KIF7: variants seen among roughly 807,000 people sequenced by gnomAD.
KIF7 encodes the protein kinesin-like protein KIF7.
Under a neutral mutation model 135.7 loss-of-function variants are expected in KIF7, and 104 were observed. That is an observed-to-expected ratio of 0.77 (90% CI 0.65 to 0.90). The LOEUF (loss-of-function observed/expected upper bound fraction) is 0.90. Among genes scored for constraint, KIF7 ranks in the 40% least tolerant of loss-of-function variants. The pLI is 0.00. For missense variants in KIF7, 2,005 were observed against 1,839.1 expected (o/e 1.09, Z -1.65); for synonymous variants, 883 against 809.4 (o/e 1.09, Z -1.54).
In KIF7 at chr15:89,646,923, T is replaced by G; in HGVS notation, c.1695A>C (p.Thr565=). 6.2e-7 allele frequency: 1 copy of G among 1,613,936 alleles called. No individual in the cohort carries two copies. The highest frequency in any genetic ancestry group is 1.7e-4 in the Middle Eastern group (1 of 6,052). Reference sequence around the variant, plus strand: ...GGGCGTGGGCACCCCCCAGGGGGGCTGTATGAGGTCGAGGCACAAAGGACC... The same window carrying G: ...GGGCGTGGGCACCCCCCAGGGGGGCGGTATGAGGTCGAGGCACAAAGGACC... ...PPGSFVPRPH[T]APLGGAHAHV... The change falls in exon 7 of 19, where the codon ACA becomes ACC. Residue 565 remains threonine (T), a synonymous_variant. Transcript: ENST00000394412.
chr15:89,625,484 T>G (rs761298911), downstream of KIF7: 9 of 1,613,848 alleles, frequency 5.6e-6, no homozygotes, highest in South Asian at 9.9e-5. Context: ...GACCACGGCC[T>G]TGAACTCAGC....
In KIF7 at chr15:89,645,919, C is replaced by T. The variant is rs769851023; in HGVS notation, c.1896G>A (p.Pro632=). 26 of 1,613,486 alleles carry T rather than the reference C, an allele frequency of 1.6e-5. No individual in the cohort carries two copies. Among genetic ancestry groups the T allele is most frequent in the Admixed American group, 1.5e-4 (9 of 59,994 alleles). The change falls in exon 8 of 19, where the codon CCG becomes CCA. Residue 632 remains proline (P), a synonymous_variant. Coordinates refer to ENST00000394412, the MANE Select transcript of KIF7 (RefSeq NM_198525.3). Reference sequence around the variant, plus strand: ...TGCGCAGGTGTAAGGTCCGCCTGGGCGGCTCCTCCTCCTCCTCTTCCTCCT... The same window carrying T: ...TGCGCAGGTGTAAGGTCCGCCTGGGTGGCTCCTCCTCCTCCTCTTCCTCCT... ...ASEEEEEEEE[P]PRRTLHLRRN...
At chr15:89,650,853 T>C (rs1225447299) in intron 2 of KIF7, among the ~76,000 whole-genome samples, 1 of 151,238 alleles carries the variant, frequency 6.6e-6, no homozygotes, top group South Asian at 2.1e-4. Flanking sequence ...TGGGATTACA[T>C]GTGTGAGCCC....
intron 17 of KIF7, 89 bp downstream of exon 17, chr15:89,629,286 G>A (rs1963615560): frequency 3.4e-6 from 4 of 1,188,140 alleles, no homozygotes; most frequent in Admixed American, 4.8e-5. Flanking sequence ...AGGGGCGGTG[G>A]GGGGAGGGAG....
chr15:89,633,337 A>G lies in KIF7; in HGVS notation c.2593-71T>C, dbSNP rs148522514. On this transcript the variant is annotated intron_variant, in intron 12 of 18. Transcript: ENST00000394412. ...CTTACCAGAGCCTGCCACCGATCCC[A>G]AAGCCCCCAGGAGTGCCTGCCCACT... The G allele has an allele frequency of 2.6e-3, 4,042 of 1,532,690 alleles. 117 individuals carry two copies. The African/African-American group carries it at 0.05, about 19-fold the overall frequency. The allele number at this position is 1,532,690 out of a possible 1,614,324, so 94.9% of individuals were successfully genotyped here.
intron 1 of KIF7, among the ~76,000 whole-genome samples, chr15:89,622,198 C>G (rs1963438297): frequency 6.6e-6 from 1 of 152,050 alleles, no homozygotes; most frequent in Admixed American, 6.5e-5. Context: ...GTTGGCCAGG[C>G]TGGTCTCGAA....
downstream of KIF7, chr15:89,626,183 C>G (rs753718534): frequency 9.0e-7 from 1 of 1,111,426 alleles, no homozygotes; most frequent in African/African-American, 1.6e-5. Flanking sequence ...TAGGTGACTT[C>G]GCGCCTACAG....
Position 89,649,342 on chromosome 15 carries a change from G to A in KIF7, c.555C>T (p.Asp185=), listed in dbSNP as rs183957399. The change falls in exon 4 of 19, where the codon GAC becomes GAT. Residue 185 remains aspartate (D), a synonymous_variant. Transcript: ENST00000394412. The stretch of plus-strand genomic sequence containing the variant: ...TCAGCACCTCATCCAGGCCCTCCAC[G>A]TCGACCTCCTTCACCCCGCACAGCA... ...NVVLCGVKEV[D]VEGLDEVLSL... 33 of 1,466,780 alleles carry A rather than the reference G, an allele frequency of 2.2e-5. No individual in the cohort carries two copies. The highest frequency in any genetic ancestry group is 2.9e-5 in the Non-Finnish European group (32 of 1,104,502). 90.9% of individuals were successfully genotyped at this position (1,466,780 alleles called of 1,614,324 possible). A position where few individuals can be genotyped will look rare whatever the true frequency, so the allele number is the denominator to read the frequency against.
Position 89,649,831 on chromosome 15 carries a change from C to T in KIF7, c.439G>A (p.Glu147Lys), listed in dbSNP as rs1267640231. The T allele has an allele frequency of 1.3e-6, 2 of 1,551,676 alleles. No individual in the cohort carries two copies. Among genetic ancestry groups the T allele is most frequent in the South Asian group, 2.4e-5 (2 of 84,064 alleles). ...TCTCGGAACTCCTCCTTGTACACTTCCAGGTAGGACACATGTACCAGACAG... is the reference window on the plus strand; with the variant it reads ...TCTCGGAACTCCTCCTTGTACACTTTCAGGTAGGACACATGTACCAGACAG... Reference protein sequence around the residue: ...LDCLVHVSYLEVYKEEFRDLL... With the variant: ...LDCLVHVSYLKVYKEEFRDLL... Residue 147 changes from glutamate to lysine, a missense_variant, in exon 3 of 19, where the codon GAA becomes AAA. Physicochemically the swap from Glu to Lys is moderately conservative, Grantham distance 56. Coordinates refer to ENST00000394412, the MANE Select transcript of KIF7 (RefSeq NM_198525.3).
At chr15:89,642,434 G>A in intron 10 of KIF7, 29 bp from the exon 11 acceptor site, 1 of 1,536,110 alleles carries the variant, frequency 6.5e-7, no homozygotes, top group South Asian at 1.2e-5. Flanking sequence ...GTCAGCACAG[G>A]CAGCCCTGCT....
chr15:89,625,888 C>G, downstream of KIF7: 1 of 1,542,580 alleles, frequency 6.5e-7, no homozygotes, highest in Non-Finnish European at 8.7e-7. Flanking sequence ...CTGGGCTTCC[C>G]GGTTGGGGGT....
intron 11 of KIF7, among the ~76,000 whole-genome samples, chr15:89,638,535 C>A (rs1347833878): frequency 6.7e-6 from 1 of 149,370 alleles, no homozygotes; most frequent in Non-Finnish European, 1.5e-5. Context: ...GAGTGGACTC[C>A]CATTCACAAT....
downstream of KIF7, among the ~76,000 whole-genome samples, chr15:89,626,295 A>G (rs895135370): frequency 6.6e-6 from 1 of 152,204 alleles, no homozygotes; most frequent in African/African-American, 2.4e-5. Context: ...CCTCCTGAAA[A>G]TGTTGACAGT....
At chr15:89,648,105 C>G in intron 5 of KIF7, 150 bp downstream of exon 5, 1 of 1,337,630 alleles carries the variant, frequency 7.5e-7, no homozygotes, top group South Asian at 1.7e-5. Flanking sequence ...AAGGAAGTGA[C>G]CACGGTAATC....
chr15:89,626,019 T>C, downstream of KIF7: 1 of 1,613,818 alleles, frequency 6.2e-7, no homozygotes, highest in Non-Finnish European at 8.5e-7. Flanking sequence ...TCCGCTGCTG[T>C]TCCAGGGGAA....
At chr15:89,624,120 T>G (rs765187209), downstream of KIF7, 1 of 1,613,192 alleles carries the variant, frequency 6.2e-7, no homozygotes. Context: ...AACAGCCCCA[T>G]GTCCTCAGAG....
chr15:89,618,171 G>C (rs773754387), exon 2 of KIF7: 2 of 1,614,200 alleles, frequency 1.2e-6, no homozygotes, highest in East Asian at 2.2e-5. Context: ...TCCTGGTCCT[G>C]ATATTGGTGT....
rs530450447 is a variant in KIF7, at chr15:89,628,611, C to G, written c.3840G>C (p.Ser1280=). ...HAPLPLTWKR[S]SLCGEEQGSP... is the part of the protein sequence containing the mutation. ...ACCCCTGCTCCTCACCACACAGGCT[C>G]GAGCGTTTCCAGGTCAAGGGTAACG... is the stretch of plus-strand genomic sequence containing the variant. The change falls in exon 19 of 19, where the codon TCG becomes TCC. Residue 1280 remains serine, a synonymous_variant. Coordinates refer to ENST00000394412, the MANE Select transcript of KIF7 (RefSeq NM_198525.3). The G allele has an allele frequency of 1.2e-6, 2 of 1,613,326 alleles. No homozygotes were observed. The highest frequency in any genetic ancestry group is 1.1e-5 in the South Asian group (1 of 91,090).
chr15:89,645,766 T>G (rs965538551), intron 8 of KIF7, 127 bp downstream of exon 8: 1 of 1,319,594 alleles, frequency 7.6e-7, no homozygotes, highest in Non-Finnish European at 1.0e-6. Flanking sequence ...CAGGGCAACA[T>G]GAGGGCATCC....
Sources: gnomAD v4.1 joint callset for allele counts (sites outside exome capture counted in the v4.1 genomes callset) on GRCh38, gnomAD v4.1.1 for gene constraint, MANE v1.5 for transcripts, NCBI Gene and HGNC (gene_info 2026-07-23, HGNC 2026-07-21) for gene names.